Variants in NPHP4 observed in about 807,000 individuals in gnomAD.
NPHP4 encodes nephrocystin 4.
A neutral mutation model predicts 155.8 loss-of-function variants in NPHP4; 151 were observed. The ratio of observed to expected loss-of-function variants is 0.97; its 90% confidence interval spans 0.85 to 1.11. The LOEUF is 1.11. Ranked by LOEUF, NPHP4 falls within the 50% of genes least tolerant of loss-of-function variation. The pLI is 0.00. For missense variants in NPHP4, 1,956 were observed against 1,925.7 expected (o/e 1.02, Z -0.29); for synonymous variants, 845 against 816.8 (o/e 1.03, Z -0.59).
chr1:5,893,200 C>A (rs1466203890), intron 16 of NPHP4, among the ~76,000 whole-genome samples: 1 of 152,166 alleles, frequency 6.6e-6, no homozygotes, highest in African/African-American at 2.4e-5. Context: ...GGGTCTCTCC[C>A]CGTGTGCGGC....
Position 5,961,940 on chromosome 1 carries a change from T to C in NPHP4, c.527A>G (p.His176Arg), listed in dbSNP as rs765166774. The change falls in exon 6 of 30, where the codon CAC becomes CGC. Residue 176 changes from histidine to arginine, a missense_variant. His to Arg is a conservative substitution (Grantham distance 29). Transcript: ENST00000378156. ...GCTGCAGTTCTCAATGAGGGTCATG[T>C]GTCTGTTTTCTGGTGAAGAAAACAC... is the stretch of plus-strand genomic sequence containing the variant. ...LLQDPAEQNR[H>R]MTLIENCSLQ... is the part of the protein sequence containing the mutation. 7 of 1,597,720 alleles carry C rather than the reference T, an allele frequency of 4.4e-6. No individual in the cohort carries two copies. The highest frequency in any genetic ancestry group is 1.1e-5 in the South Asian group (1 of 90,666).
intron 9 of NPHP4, among the ~76,000 whole-genome samples, chr1:5,934,894 G>A (rs1285726773): frequency 6.6e-6 from 1 of 152,192 alleles, no homozygotes; most frequent in African/African-American, 2.4e-5. Flanking sequence ...GTGGTGGCCA[G>A]GGGTCCTAAG....
chr1:5,908,059 C>A (rs1230481498), intron 12 of NPHP4, among the ~76,000 whole-genome samples: 1 of 152,196 alleles, frequency 6.6e-6, no homozygotes, highest in Non-Finnish European at 1.5e-5. Context: ...CTGGCCCACA[C>A]CAGGTGCTGG....
intron 6 of NPHP4, among the ~76,000 whole-genome samples, chr1:5,953,430 C>T (rs1264132278): frequency 6.6e-6 from 1 of 152,164 alleles, no homozygotes; most frequent in Non-Finnish European, 1.5e-5. Flanking sequence ...AATTCGACAA[C>T]TCAAAGAACA....
At chr1:5,989,969 G>A (rs184762363) in intron 1 of NPHP4, among the ~76,000 whole-genome samples, 10 of 152,374 alleles carry the variant, frequency 6.6e-5, no homozygotes, top group Admixed American at 2.0e-4. Flanking sequence ...GGCTCGGGAT[G>A]TGGAGGCAGG....
At chr1:5,968,580 G>A (rs1446098110) in intron 4 of NPHP4, among the ~76,000 whole-genome samples, 1 of 151,650 alleles carries the variant, frequency 6.6e-6, no homozygotes, top group East Asian at 1.9e-4. Flanking sequence ...CAGCCTGGGT[G>A]ACAGAGCAAG....
In NPHP4 at chr1:5,867,999, C is replaced by T. The variant is rs774582635; in HGVS notation, c.3316-103G>A. 4.8e-6 allele frequency: 6 copies of T among 1,257,534 alleles called. No homozygotes were observed. In the South Asian group the frequency reaches 6.2e-5, roughly 13 times the overall value. 77.9% of individuals were successfully genotyped at this position (1,257,534 alleles called of 1,614,324 possible). A position where few individuals can be genotyped will look rare whatever the true frequency, so the allele number is the denominator to read the frequency against. ...CGTATCTCCACTGTTGCCAAGACCC[C>T]CTCACCCTCCACTGCCATGAGCGGG... On this transcript the variant is annotated intron_variant, in intron 23 of 29. Transcript: ENST00000378156. The surrounding 1 kb of genome is among the most constrained non-coding windows in gnomAD (Gnocchi z 4.1).
chr1:5,887,437 C>CA lies in NPHP4; in HGVS notation c.2333dup (p.Gln779AlafsTer7). The CA allele has an allele frequency of 1.2e-6, 2 of 1,613,316 alleles. No individual in the cohort carries two copies. The highest frequency in any genetic ancestry group is 1.7e-6 in the Non-Finnish European group (2 of 1,179,888). ...CGACCTCAAGCTCGTGGGAGGCCTGCACAGCCGGCCGGCCTTGGCGGAGGA... is the reference window on the plus strand; with the variant it reads ...CGACCTCAAGCTCGTGGGAGGCCTGCAACAGCCGGCCGGCCTTGGCGGAGGA... On this transcript the variant is annotated frameshift_variant, in exon 18 of 30. Coordinates refer to ENST00000378156, the MANE Select transcript of NPHP4 (RefSeq NM_015102.5). LOFTEE classifies it high-confidence loss of function.
In NPHP4 at chr1:5,882,367, A is replaced by G. The variant is rs1298338263; in HGVS notation, c.2486-2128T>C. 2 of 152,098 alleles carry G rather than the reference A, an allele frequency of 1.3e-5. No homozygotes were observed. The highest frequency in any genetic ancestry group is 4.8e-5 in the African/African-American group (2 of 41,238). The allele number at this position is 152,098 out of a possible 1,614,324, so 9.4% of individuals were successfully genotyped here. ...CTCTCAGTGACGCGCTTACCCAGCC[A>G]TCTCTCAGTGGTGCGCTTACCCAGC... On this transcript the variant is annotated intron_variant, in intron 18 of 29. Coordinates refer to ENST00000378156, the MANE Select transcript of NPHP4 (RefSeq NM_015102.5). The surrounding 1 kb of genome is among the most constrained non-coding windows in gnomAD (Gnocchi z 5.1).
Position 5,863,234 on chromosome 1 carries a change from G to A in NPHP4, c.*31C>T, listed in dbSNP as rs199829944. 7 of 1,613,582 alleles carry A rather than the reference G, an allele frequency of 4.3e-6. No homozygotes were observed. Among genetic ancestry groups the A allele is most frequent in the Non-Finnish European group, 5.1e-6 (6 of 1,179,474 alleles). On this transcript the variant is annotated 3_prime_UTR_variant, in exon 30 of 30. Coordinates refer to ENST00000378156, the MANE Select transcript of NPHP4 (RefSeq NM_015102.5). Reference sequence around the variant, plus strand: ...AGGGGCACAGACAGGCCCCAGCTGGGTGCCGCAGGAAGGACGTCACCCTCA... The same window carrying A: ...AGGGGCACAGACAGGCCCCAGCTGGATGCCGCAGGAAGGACGTCACCCTCA...
chr1:5,902,174 T>A (rs911086249), intron 16 of NPHP4, among the ~76,000 whole-genome samples: 6 of 152,172 alleles, frequency 3.9e-5, no homozygotes, highest in African/African-American at 1.4e-4. Context: ...CTAACTGAGC[T>A]AACTAACTAA....
chr1:5,954,705 A>G (rs772472198), intron 6 of NPHP4, among the ~76,000 whole-genome samples: 6 of 152,212 alleles, frequency 3.9e-5, no homozygotes, highest in Admixed American at 6.5e-5. Context: ...CTCAAAATAG[A>G]TTGAAGACTT....
At chr1:5,904,998 A>G (rs939090122) in intron 15 of NPHP4, among the ~76,000 whole-genome samples, 194 bp from the exon 16 acceptor site, 2 of 152,198 alleles carry the variant, frequency 1.3e-5, no homozygotes, top group African/African-American at 4.8e-5. Context: ...TCTCGAGTGT[A>G]AGGACACTCC....
intron 3 of NPHP4, among the ~76,000 whole-genome samples, chr1:5,974,233 T>C (rs1034228073): frequency 1.3e-4 from 20 of 152,240 alleles, no homozygotes; most frequent in Non-Finnish European, 1.2e-4. Flanking sequence ...TGCATCCCTC[T>C]ACCAGGGCAG....
intron 3 of NPHP4, among the ~76,000 whole-genome samples, chr1:5,972,258 CAG>C (rs1363274993): frequency 6.6e-6 from 1 of 152,218 alleles, no homozygotes; most frequent in African/African-American, 2.4e-5. Flanking sequence ...GCAAACAATG[CAG>C]AGACTTCATG....
In NPHP4 at chr1:5,933,231, G is replaced by A. The variant is rs1484018828; in HGVS notation, c.1218C>T (p.Thr406=). The change falls in exon 10 of 30, where the codon ACC becomes ACT. Residue 406 remains threonine (T), a synonymous_variant. Transcript: ENST00000378156. ...GCTGGATCCCACCCTGCAGAGGCAG[G>A]GTCACCCTTCCAGAATCAGCTTCCA... The part of the protein sequence containing the change: ...PLLEADSGRV[T]LPLQGGIQPN... 1 of 1,613,786 alleles carries A rather than the reference G, an allele frequency of 6.2e-7. No homozygotes were observed. The highest frequency in any genetic ancestry group is 8.5e-7 in the Non-Finnish European group (1 of 1,179,866).
At chr1:5,917,489 C>T (rs114311775) in intron 11 of NPHP4, among the ~76,000 whole-genome samples, 2,309 of 152,252 alleles carry the variant, frequency 0.015, 58 homozygotes, top group African/African-American at 0.053. Context: ...GGGATCCAGC[C>T]ATGCCTAACA....
At chr1:5,935,080 T>C (rs561912730) in intron 9 of NPHP4, among the ~76,000 whole-genome samples, 3 of 152,330 alleles carry the variant, frequency 2.0e-5, no homozygotes, top group East Asian at 1.9e-4. Flanking sequence ...GCCAACTTCA[T>C]ATACAAGCAG....
intron 3 of NPHP4, among the ~76,000 whole-genome samples, chr1:5,970,638 T>TG (rs1557863481): frequency 6.6e-6 from 1 of 152,056 alleles, no homozygotes; most frequent in African/African-American, 2.4e-5. Flanking sequence ...ACACCCCAGC[T>TG]GGGGGGCAAA....
Sources: allele counts gnomAD v4.1 joint callset (sites outside exome capture counted in the v4.1 genomes callset), GRCh38; gene constraint gnomAD v4.1.1; non-coding constraint Gnocchi (gnomAD v3.1); transcripts MANE v1.5; gene names NCBI Gene and HGNC (gene_info 2026-07-23, HGNC 2026-07-21).